Variants in GON4L observed in about 807,000 individuals in gnomAD.
GON4L encodes GON-4-like protein.
Under a neutral mutation model 211.8 loss-of-function variants are expected in GON4L, and 87 were observed. That is an observed-to-expected ratio of 0.41 (90% CI 0.35 to 0.49). The LOEUF (loss-of-function observed/expected upper bound fraction) is 0.49. Ranked by LOEUF, GON4L falls within the 20% of genes least tolerant of loss-of-function variation. The pLI is 0.15. For synonymous variants in GON4L, 875 were observed against 962.6 expected, an observed-to-expected ratio of 0.91 and a Z score of 1.68; for missense variants, 2,155 against 2,659.5, an observed-to-expected ratio of 0.81 and a Z score of 4.17.
chr1:155,851,202 A>C (rs1380300028), intron 2 of GON4L, among the ~76,000 whole-genome samples: 4 of 151,532 alleles, frequency 2.6e-5, no homozygotes, highest in Non-Finnish European at 5.9e-5. Context: ...AAAATACAAA[A>C]AATTAGCTGG....
intron 28 of GON4L, chr1:155,754,121 T>C (rs1242383033): frequency 3.8e-6 from 2 of 521,148 alleles, no homozygotes; most frequent in Non-Finnish European, 6.9e-6. Flanking sequence ...CATTTTCTAA[T>C]ATCTGAGGGA....
chr1:155,816,773 T>TTAAAAAA (rs377228820), intron 6 of GON4L, among the ~76,000 whole-genome samples: 2 of 78,088 alleles, frequency 2.6e-5, no homozygotes, highest in Non-Finnish European at 2.3e-5. Context: ...TTTTTTTTCT[T>TTAAAAAA]AAAAAAAAAA....
chr1:155,771,149 AG>A lies in GON4L; in HGVS notation c.2563del (p.Leu855PhefsTer2). 1 of 1,614,160 alleles carries A rather than the reference AG, an allele frequency of 6.2e-7. No homozygotes were observed. Among genetic ancestry groups the A allele is most frequent in the African/African-American group, 1.3e-5 (1 of 75,032 alleles). On this transcript the variant is annotated frameshift_variant, in exon 19 of 32. Transcript: ENST00000368331. LOFTEE classifies it high-confidence loss of function. ...EFPNPLISKY[L>X]LTCKTAHQLT... ...TTGGTGGGCAGTTTTGCAGGTTAGA[AG>A]GTACTTGCTGATTAGAGGATTAGGA...
Position 155,765,478 on chromosome 1 carries a change from G to C in GON4L, c.3995C>G (p.Ala1332Gly), listed in dbSNP as rs376925140. ...AGGGGATCCACTGATTTCCTCTCTAGCTTCTTCAGGTTCCATCTTGACAAT... is the reference window on the plus strand; with the variant it reads ...AGGGGATCCACTGATTTCCTCTCTACCTTCTTCAGGTTCCATCTTGACAAT... ...EEIVKMEPEE[A>G]REEISGSPER... The change falls in exon 21 of 32, where the codon GCT becomes GGT. Residue 1332 changes from alanine (A) to glycine (G), a missense_variant. Around this residue, in one of 6 missense-constraint regions of GON4L, gnomAD observed 615 missense variants for 625.7 expected, o/e 0.98. Coordinates refer to ENST00000368331, the MANE Select transcript of GON4L (RefSeq NM_001282860.2). The C allele has an allele frequency of 1.9e-6, 3 of 1,614,126 alleles. No homozygotes were observed. Among genetic ancestry groups the C allele is most frequent in the Admixed American group, 3.3e-5 (2 of 60,020 alleles).
At position 155,816,272 on chromosome 1, in the gene GON4L, A is replaced by T; in HGVS notation, c.1015-10T>A. On this transcript the variant is annotated splice_polypyrimidine_tract_variant and intron_variant, in intron 6 of 31. Coordinates refer to ENST00000368331, the MANE Select transcript of GON4L (RefSeq NM_001282860.2). ...TCCATGTTGGAATTACCTACCAACA[A>T]AGAATATAAATAATTAAGTTATCTT... The T allele has an allele frequency of 3.4e-6, 4 of 1,176,134 alleles. No homozygotes were observed. The highest frequency in any genetic ancestry group is 5.1e-6 in the Non-Finnish European group (4 of 783,618). The allele number at this position is 1,176,134 out of a possible 1,614,324, so 72.9% of individuals were successfully genotyped here. A position where few individuals can be genotyped will look rare whatever the true frequency, so the allele number is the denominator to read the frequency against.
chr1:155,783,721 C>T (rs1664644936), intron 14 of GON4L, among the ~76,000 whole-genome samples: 1 of 152,192 alleles, frequency 6.6e-6, no homozygotes, highest in Non-Finnish European at 1.5e-5. Context: ...ACATACCTCT[C>T]CAGCACCACT....
At chr1:155,852,660 G>A (rs909414122) in intron 2 of GON4L, among the ~76,000 whole-genome samples, 4 of 151,850 alleles carry the variant, frequency 2.6e-5, no homozygotes, top group East Asian at 1.9e-4. Flanking sequence ...GGAGAATGGC[G>A]TGAACCTGGG....
At position 155,753,328 on chromosome 1, in the gene GON4L, A is replaced by C. The variant is rs758210568; in HGVS notation, c.5718T>G (p.Gly1906=). Residue 1906 remains glycine (G), a synonymous_variant, in exon 29 of 32, where the codon GGT becomes GGG. Transcript: ENST00000368331. ...CCTTGCCCTGCCCAGCTTCCTTAGC[A>C]CCAGGCATAGGACTAGCCTCTCGGT... ...SPHREASPMP[G]AKEAGQGKDM... is the part of the protein sequence containing the mutation. The C allele has an allele frequency of 6.2e-7, 1 of 1,611,664 alleles. No homozygotes were observed. The highest frequency in any genetic ancestry group is 2.2e-5 in the East Asian group (1 of 44,778).
intron 31 of GON4L, 78 bp from the exon 32 acceptor site, chr1:155,750,811 T>C: frequency 1.5e-6 from 2 of 1,349,126 alleles, no homozygotes; most frequent in South Asian, 1.3e-5. Flanking sequence ...TTGCTGAGAC[T>C]GGAGTGCAGT....
intron 2 of GON4L, among the ~76,000 whole-genome samples, chr1:155,852,121 C>T (rs1045181110): frequency 4.8e-5 from 7 of 146,842 alleles, no homozygotes; most frequent in Non-Finnish European, 8.9e-5. Context: ...GCCAAGATCA[C>T]ACCACTGCAC....
rs571357267 is a variant in GON4L, at chr1:155,775,604, G to A, written c.2179-431C>T. ...CGAGTAGCTGGGATTAATTACAGGC[G>A]CCCGCTACCACGCCCGGCTATTTTT... On this transcript the variant is annotated intron_variant, in intron 16 of 31. Coordinates refer to ENST00000368331, the MANE Select transcript of GON4L (RefSeq NM_001282860.2). 2.1e-4 allele frequency among the ~76,000 whole-genome samples: 32 copies of A among 151,584 alleles called. No homozygotes were observed. The East Asian group carries it at 5.2e-3, about 25-fold the overall frequency.
chr1:155,850,424 G>A (rs779116297), intron 2 of GON4L, among the ~76,000 whole-genome samples: 48 of 152,194 alleles, frequency 3.2e-4, no homozygotes, highest in Non-Finnish European at 6.0e-4. Context: ...TGTGAATGAG[G>A]CTGAAAATTT....
chr1:155,793,231 C>T (rs1388859859), intron 12 of GON4L, among the ~76,000 whole-genome samples: 3 of 152,182 alleles, frequency 2.0e-5, no homozygotes, highest in Admixed American at 6.5e-5. Context: ...CTTCCACTAT[C>T]CCTGTCATAG....
Position 155,777,813 on chromosome 1 carries a change from C to A in GON4L, c.1900G>T (p.Glu634Ter). 6.2e-7 allele frequency: 1 copy of A among 1,606,214 alleles called. No homozygotes were observed. The highest frequency in any genetic ancestry group is 1.1e-5 in the South Asian group (1 of 90,902). ...FNTPQALRFEEPLANLLNEQH... is the reference protein window; with the variant it reads ...FNTPQALRFE ...TCATTTAACAGGTTGGCCAGTGGTT[C>A]CTCAAACCTATTCCCAACAGGGAGA... is the stretch of plus-strand genomic sequence containing the variant. Residue 634 changes from glutamate (E) to a stop codon, truncating the protein, a stop_gained, in exon 15 of 32, where the codon GAA becomes TAA. Coordinates refer to ENST00000368331, the MANE Select transcript of GON4L (RefSeq NM_001282860.2). LOFTEE classifies it high-confidence loss of function.
intron 2 of GON4L, among the ~76,000 whole-genome samples, chr1:155,843,799 A>C (rs1157994930): frequency 6.6e-6 from 1 of 152,148 alleles, no homozygotes; most frequent in Non-Finnish European, 1.5e-5. Context: ...CCCCATTGGA[A>C]CCTGGAAAAG....
At position 155,839,667 on chromosome 1, in the gene GON4L, A is replaced by G. The variant is rs867671677; in HGVS notation, c.506-12639T>C. Among the ~76,000 whole-genome samples the G allele has an allele frequency of 1.4e-3, 218 of 151,736 alleles. 1 individual carries two copies. The highest frequency in any genetic ancestry group is 5.0e-3 in the African/African-American group (208 of 41,444). On this transcript the variant is annotated intron_variant, in intron 2 of 31. Coordinates refer to ENST00000368331, the MANE Select transcript of GON4L (RefSeq NM_001282860.2). ...CTCTGTCTCAAAAAAAAAAAAAAAA[A>G]GGTAGTATTGGACAAGTCAGAAAGT...
chr1:155,827,251 T>C (rs1029771407), intron 2 of GON4L, among the ~76,000 whole-genome samples: 1 of 152,230 alleles, frequency 6.6e-6, no homozygotes, highest in African/African-American at 2.4e-5. Flanking sequence ...TTATTTCTAA[T>C]ATGCTTTCAG....
At chr1:155,816,019 C>T (rs1335959243) in intron 7 of GON4L, 119 bp from the exon 8 acceptor site, 2 of 733,968 alleles carry the variant, frequency 2.7e-6, no homozygotes, top group African/African-American at 3.5e-5. Context: ...TAATGTACAG[C>T]TAAAGCAAAT....
chr1:155,765,456 G>C lies in GON4L; in HGVS notation c.4017C>G (p.Ser1339=). 6.2e-7 allele frequency: 1 copy of C among 1,614,032 alleles called. No individual in the cohort carries two copies. Among genetic ancestry groups the C allele is most frequent in the Non-Finnish European group, 8.5e-7 (1 of 1,179,990 alleles). ...TGTCATCACAAATATCACGCTCAGG[G>C]GATCCACTGATTTCCTCTCTAGCTT... ...PEEAREEISG[S]PERDICDDIK... is the part of the protein sequence containing the mutation. The change falls in exon 21 of 32, where the codon TCC becomes TCG. Residue 1339 remains serine, a synonymous_variant. Coordinates refer to ENST00000368331, the MANE Select transcript of GON4L (RefSeq NM_001282860.2).
Sources: gnomAD v4.1 joint callset for allele counts (sites outside exome capture counted in the v4.1 genomes callset) on GRCh38, gnomAD v4.1.1 for gene constraint, gnomAD v4.1.1 regional missense constraint, MANE v1.5 for transcripts, NCBI Gene and HGNC (gene_info 2026-07-23, HGNC 2026-07-21) for gene names.